ATP8B2: variants seen among roughly 807,000 people sequenced by gnomAD.
The protein encoded by ATP8B2 is phospholipid-transporting ATPase ID.
Under a neutral mutation model 133.4 loss-of-function variants are expected in ATP8B2, and 70 were observed. The observed-to-expected ratio is 0.52, with a 90% CI of 0.43 to 0.64. The LOEUF is 0.64. Ranked by LOEUF, ATP8B2 falls within the 30% of genes least tolerant of loss-of-function variation. ATP8B2 has a pLI of 0.00. For missense variants in ATP8B2, 1,101 were observed against 1,535.7 expected (o/e 0.72, Z 4.73); for synonymous variants, 517 against 589.5 (o/e 0.88, Z 1.78).
chr1:154,343,203 C>A lies in ATP8B2; in HGVS notation c.1544C>A (p.Pro515His). 1 of 1,614,106 alleles carries A rather than the reference C, an allele frequency of 6.2e-7. No homozygotes were observed. The highest frequency in any genetic ancestry group is 8.5e-7 in the Non-Finnish European group (1 of 1,180,026). The change falls in exon 16 of 28, where the codon CCC becomes CAC. Residue 515 changes from proline to histidine, a missense_variant. Coordinates refer to ENST00000368489, the MANE Select transcript of ATP8B2 (RefSeq NM_001370597.1). This position sits in a 1 kb window ranked among gnomAD's most constrained non-coding sequence, Gnocchi z 5.8. ...GGTTTTGTTTTCCGCTCTCGCACCCCCAAAACAATCACCGTCCATGAGATG... is the reference window on the plus strand; with the variant it reads ...GGTTTTGTTTTCCGCTCTCGCACCCACAAAACAATCACCGTCCATGAGATG... ...NFGFVFRSRT[P>H]KTITVHEMGT...
In ATP8B2 at chr1:154,340,782, A is replaced by G. The variant is rs2149170501; in HGVS notation, c.1035-72A>G. On this transcript the variant is annotated intron_variant, in intron 12 of 27. Coordinates refer to ENST00000368489, the MANE Select transcript of ATP8B2 (RefSeq NM_001370597.1). The surrounding 1 kb of genome is among the most constrained non-coding windows in gnomAD (Gnocchi z 4.0). Reference sequence around the variant, plus strand: ...GTCTCTCCCCAGGCGGAGGGCCTGCAGCGAAGGCCCATGTGGGTGGGGCAC... The same window carrying G: ...GTCTCTCCCCAGGCGGAGGGCCTGCGGCGAAGGCCCATGTGGGTGGGGCAC... The G allele has an allele frequency of 7.2e-7, 1 of 1,392,108 alleles. No homozygotes were observed. Among genetic ancestry groups the G allele is most frequent in the East Asian group, 2.3e-5 (1 of 43,618 alleles). 86.2% of individuals were successfully genotyped at this position (1,392,108 alleles called of 1,614,324 possible).
At chr1:154,342,565 G>C in intron 14 of ATP8B2, 42 bp downstream of exon 14, 1 of 1,590,438 alleles carries the variant, frequency 6.3e-7, no homozygotes, top group Non-Finnish European at 8.6e-7. Flanking sequence ...AGTGAAACAG[G>C]GTGCCTGGCC....
intron 12 of ATP8B2, chr1:154,337,939 C>T (rs190811994): frequency 2.5e-5 from 10 of 400,280 alleles, no homozygotes; most frequent in African/African-American, 8.3e-5. Flanking sequence ...CTGTAGAATT[C>T]GACCTAGAGT....
chr1:154,348,534 A>T lies in ATP8B2; in HGVS notation c.3290A>T (p.Asp1097Val). The T allele has an allele frequency of 6.2e-7, 1 of 1,613,572 alleles. No homozygotes were observed. Among genetic ancestry groups the T allele is most frequent in the Non-Finnish European group, 8.5e-7 (1 of 1,179,722 alleles). The change falls in exon 27 of 28, where the codon GAC becomes GTC. Residue 1097 changes from aspartate (D) to valine (V), a missense_variant. By Grantham distance (152) the Asp-to-Val change is radical (BLOSUM62 -3). Coordinates refer to ENST00000368489, the MANE Select transcript of ATP8B2 (RefSeq NM_001370597.1). The stretch of plus-strand genomic sequence containing the variant: ...CTCAACCTGAAGCCGGATCTCTCCG[A>T]CACGGTGAGAAGCCAGGCTACCTGC... ...LRLNLKPDLS[D>V]TVRYTQLVRK...
chr1:154,349,026 T>C lies in ATP8B2; in HGVS notation c.3481T>C (p.Ser1161Pro). 6.2e-7 allele frequency: 1 copy of C among 1,614,192 alleles called. No individual in the cohort carries two copies. Among genetic ancestry groups the C allele is most frequent in the Non-Finnish European group, 8.5e-7 (1 of 1,180,036 alleles). Residue 1161 changes from serine to proline, a missense_variant, in exon 28 of 28, where the codon TCC becomes CCC. Physicochemically the swap from Ser to Pro is moderately conservative, Grantham distance 74. Coordinates refer to ENST00000368489, the MANE Select transcript of ATP8B2 (RefSeq NM_001370597.1). Reference protein sequence around the residue: ...SLALSSFTTRSSSSWIESLRR... With the variant: ...SLALSSFTTRPSSSWIESLRR... The stretch of plus-strand genomic sequence containing the variant: ...CGCGCTCTCCAGCTTCACCACCCGC[T>C]CCAGCTCCAGCTGGATTGAGAGCCT...
At position 154,336,485 on chromosome 1, in the gene ATP8B2, T is replaced by A. The variant is rs1332945135; in HGVS notation, c.838-863T>A. On this transcript the variant is annotated intron_variant, in intron 11 of 27. Coordinates refer to ENST00000368489, the MANE Select transcript of ATP8B2 (RefSeq NM_001370597.1). ...AATTGCAAAAAAAAATCTCATAAAT[T>A]TTTTTTTTTTTTTTTTGAGACGGAG... Among the ~76,000 whole-genome samples the A allele has an allele frequency of 3.0e-3, 7 of 2,334 alleles. No individual in the cohort carries two copies. In the Admixed American group the frequency reaches 0.054, roughly 18 times the overall value. 1.5% of individuals were successfully genotyped at this position (2,334 alleles called of 152,430 possible).
Position 154,343,700 on chromosome 1 carries a change from G to T in ATP8B2, c.1758+132G>T. On this transcript the variant is annotated intron_variant, in intron 17 of 27. Transcript: ENST00000368489. The surrounding 1 kb of genome is among the most constrained non-coding windows in gnomAD (Gnocchi z 5.8). ...TTTTGATGTGTATATATAGTGAAGT[G>T]ATTACTACAGTCAGACAACTTAACA... The T allele has an allele frequency of 1.0e-6, 1 of 995,796 alleles. No homozygotes were observed. The highest frequency in any genetic ancestry group is 1.5e-6 in the Non-Finnish European group (1 of 671,974). The allele number at this position is 995,796 out of a possible 1,614,324, so 61.7% of individuals were successfully genotyped here.
chr1:154,348,360 A>G, intron 26 of ATP8B2, 48 bp from the exon 27 acceptor site: 1 of 1,562,322 alleles, frequency 6.4e-7, no homozygotes, highest in Non-Finnish European at 8.7e-7. Context: ...GGAACGGGGA[A>G]TGTCTGCCTC....
rs368910102 is a variant in ATP8B2, at chr1:154,330,411, C to T, written c.47C>T (p.Ala16Val). The part of the protein sequence containing the change: ...KKRPPEEERR[A>V]RANDREYNEK... ...TTTGTTGCAGAAGAAGAAAGGAGGG[C>T]GCGGGCTAATGACCGAGAATACAAT... The change falls in exon 3 of 28, where the codon GCG becomes GTG. Residue 16 changes from alanine (A) to valine (V), a missense_variant. By Grantham distance (64) the Ala-to-Val change is moderately conservative. Coordinates refer to ENST00000368489, the MANE Select transcript of ATP8B2 (RefSeq NM_001370597.1). 28 of 1,612,484 alleles carry T rather than the reference C, an allele frequency of 1.7e-5. No homozygotes were observed. Among genetic ancestry groups the T allele is most frequent in the South Asian group, 6.6e-5 (6 of 91,064 alleles).
rs1686214383 is a variant in ATP8B2, at chr1:154,337,126, AT to A, written c.838-217del. ...AATAGTTTTTTTTTTTTTTATAATT[AT>A]TTTTCATTTAACATTCAGCTGTTAC... is the stretch of plus-strand genomic sequence containing the variant. On this transcript the variant is annotated intron_variant, in intron 11 of 27. Coordinates refer to ENST00000368489, the MANE Select transcript of ATP8B2 (RefSeq NM_001370597.1). 7.1e-5 allele frequency among the ~76,000 whole-genome samples: 10 copies of A among 141,490 alleles called. No individual in the cohort carries two copies. In the South Asian group the frequency reaches 8.9e-4, roughly 13 times the overall value. 92.8% of individuals were successfully genotyped at this position (141,490 alleles called of 152,430 possible).
At position 154,350,834 on chromosome 1, in the gene ATP8B2, G is replaced by A. The variant is rs1421861473; in HGVS notation, c.*1716G>A. On this transcript the variant is annotated 3_prime_UTR_variant, in exon 28 of 28. Coordinates refer to ENST00000368489, the MANE Select transcript of ATP8B2 (RefSeq NM_001370597.1). Reference sequence around the variant, plus strand: ...TCCTCTTCTTTGATAGTGGGTCGGGGGATTCTTCAGGAATGGTTTGGAGCT... The same window carrying A: ...TCCTCTTCTTTGATAGTGGGTCGGGAGATTCTTCAGGAATGGTTTGGAGCT... 6.6e-6 allele frequency: 1 copy of A among 151,460 alleles called. No homozygotes were observed. The highest frequency in any genetic ancestry group is 1.5e-5 in the Non-Finnish European group (1 of 67,800). The allele number at this position is 151,460 out of a possible 1,614,324, so 9.4% of individuals were successfully genotyped here.
At position 154,334,154 on chromosome 1, in the gene ATP8B2, G is replaced by A. The variant is rs979959173; in HGVS notation, c.637G>A (p.Gly213Arg). 4 of 1,614,188 alleles carry A rather than the reference G, an allele frequency of 2.5e-6. No individual in the cohort carries two copies. The highest frequency in any genetic ancestry group is 2.2e-5 in the East Asian group (1 of 44,880). The change falls in exon 10 of 28, where the codon GGA becomes AGA. Residue 213 changes from glycine to arginine, a missense_variant. By Grantham distance (125) the Gly-to-Arg change is moderately radical. Transcript: ENST00000368489. This position sits in a 1 kb window ranked among gnomAD's most constrained non-coding sequence, Gnocchi z 4.6. Reference sequence around the variant, plus strand: ...CAACAACAAACTGGACAAATTCAGCGGAACCCTCTACTGGAAGGAAAATAA... The same window carrying A: ...CAACAACAAACTGGACAAATTCAGCAGAACCCTCTACTGGAAGGAAAATAA... ...PPNNKLDKFS[G>R]TLYWKENKFP...
chr1:154,327,824 C>G (rs1225042946), intron 1 of ATP8B2: 1 of 1,614,006 alleles, frequency 6.2e-7, no homozygotes, highest in Non-Finnish European at 8.5e-7. Flanking sequence ...AGCTGTTCCC[C>G]TTTTTTCAAT....
chr1:154,335,796 T>C, intron 11 of ATP8B2, among the ~76,000 whole-genome samples: 1 of 151,696 alleles, frequency 6.6e-6, no homozygotes. Flanking sequence ...TCCCAGCACT[T>C]TGGGAGACCG....
Position 154,345,108 on chromosome 1 carries a change from G to A in ATP8B2, c.2424G>A (p.Val808=), listed in dbSNP as rs754686635. The change falls in exon 22 of 28, where the codon GTG becomes GTA. Residue 808 remains valine (V), a synonymous_variant. Transcript: ENST00000368489. The surrounding 1 kb of genome is among the most constrained non-coding windows in gnomAD (Gnocchi z 5.6). The part of the protein sequence containing the change: ...VELVKKYKKA[V]TLAIGDGAND... ...TGGTCAAGAAGTACAAGAAGGCTGTGACGCTTGCCATTGGAGACGGAGCCA... is the reference window on the plus strand; with the variant it reads ...TGGTCAAGAAGTACAAGAAGGCTGTAACGCTTGCCATTGGAGACGGAGCCA... 2 of 1,614,244 alleles carry A rather than the reference G, an allele frequency of 1.2e-6. No homozygotes were observed. The highest frequency in any genetic ancestry group is 1.7e-6 in the Non-Finnish European group (2 of 1,180,044).
rs1686711940 is a variant in ATP8B2, at chr1:154,349,396, CAAG to C, written c.*281_*283del. The C allele has an allele frequency of 2.1e-6, 1 of 483,636 alleles. No individual in the cohort carries two copies. The highest frequency in any genetic ancestry group is 1.9e-5 in the African/African-American group (1 of 52,246). 30.0% of individuals were successfully genotyped at this position (483,636 alleles called of 1,614,324 possible). On this transcript the variant is annotated 3_prime_UTR_variant, in exon 28 of 28. Transcript: ENST00000368489. The stretch of plus-strand genomic sequence containing the variant: ...CGGGGACCAGAAGTGGAACCAAAAA[CAAG>C]AAAAAACTGTGAGAGATTGTGTCTG...
At position 154,340,473 on chromosome 1, in the gene ATP8B2, CTT is replaced by C. The variant is rs1441804195; in HGVS notation, c.1035-378_1035-377del. On this transcript the variant is annotated intron_variant, in intron 12 of 27. Transcript: ENST00000368489. The surrounding 1 kb of genome is among the most constrained non-coding windows in gnomAD (Gnocchi z 4.0). ...CAGCACCCTCATTATTTCTCTCTCT[CTT>C]TTCTCTCCCCTCCCTCTGGCACTTT... 1 of 217,956 alleles carries C rather than the reference CTT, an allele frequency of 4.6e-6. No individual in the cohort carries two copies. Among genetic ancestry groups the C allele is most frequent in the Non-Finnish European group, 1.0e-5 (1 of 98,684 alleles). The allele number at this position is 217,956 out of a possible 1,614,324, so 13.5% of individuals were successfully genotyped here.
In ATP8B2 at chr1:154,344,570, A is replaced by G. The variant is rs2149174158; in HGVS notation, c.2141+70A>G. 1 of 1,610,538 alleles carries G rather than the reference A, an allele frequency of 6.2e-7. No homozygotes were observed. The highest frequency in any genetic ancestry group is 8.5e-7 in the Non-Finnish European group (1 of 1,177,130). ...GGGCTCAGGTGGGGGTTTCTGGACC[A>G]TTTAGACTTGAATCCCTGCTCCCCA... On this transcript the variant is annotated intron_variant, in intron 20 of 27. Coordinates refer to ENST00000368489, the MANE Select transcript of ATP8B2 (RefSeq NM_001370597.1). The surrounding 1 kb of genome is among the most constrained non-coding windows in gnomAD (Gnocchi z 4.1).
chr1:154,341,193 G>T (rs1211138401), intron 13 of ATP8B2, 131 bp downstream of exon 13: 10 of 942,558 alleles, frequency 1.1e-5, no homozygotes, highest in Non-Finnish European at 1.7e-5. Context: ...TAGAAGAAAG[G>T]GTCCATCCTG....
Sources: gnomAD v4.1 joint callset for allele counts (sites outside exome capture counted in the v4.1 genomes callset) on GRCh38, gnomAD v4.1.1 for gene constraint, Gnocchi (gnomAD v3.1) non-coding constraint, MANE v1.5 for transcripts, NCBI Gene and HGNC (gene_info 2026-07-23, HGNC 2026-07-21) for gene names.